ROBO1: variants seen among roughly 807,000 people sequenced by gnomAD.
The protein encoded by ROBO1 is roundabout guidance receptor 1, also known as roundabout homolog 1.
Under a neutral mutation model 195.9 loss-of-function variants are expected in ROBO1, and 149 were observed. That is an observed-to-expected ratio of 0.76 (90% confidence interval 0.67 to 0.87). The LOEUF is 0.87. Among genes scored for constraint, ROBO1 ranks in the 40% least tolerant of loss-of-function variants. The pLI is 0.00. For synonymous variants in ROBO1, 816 were observed against 733.2 expected (o/e 1.11, Z -1.82); for missense variants, 1,933 against 2,068.3 (o/e 0.93, Z 1.27).
chr3:78,974,541 T>C (rs559608527), intron 3 of ROBO1, among the ~76,000 whole-genome samples: 1 of 152,274 alleles, frequency 6.6e-6, no homozygotes, highest in East Asian at 1.9e-4. Flanking sequence ...GGCATGAATT[T>C]GTACTCTGAT....
intron 3 of ROBO1, among the ~76,000 whole-genome samples, chr3:78,977,195 C>G (rs181937627): frequency 1.8e-3 from 279 of 152,192 alleles, no homozygotes; most frequent in Non-Finnish European, 2.5e-3. Context: ...TCATCCACAA[C>G]CTCATCTCAG....
chr3:79,325,999 CT>C (rs1265143083), intron 2 of ROBO1, among the ~76,000 whole-genome samples: 2 of 152,108 alleles, frequency 1.3e-5, no homozygotes, highest in Non-Finnish European at 2.9e-5. Context: ...GATGGCCCCC[CT>C]GGGTGTGGCC....
intron 1 of ROBO1, among the ~76,000 whole-genome samples, chr3:79,764,934 G>A (rs1233752304): frequency 6.6e-6 from 1 of 152,140 alleles, no homozygotes; most frequent in Non-Finnish European, 1.5e-5. Context: ...GGCAGCTGTT[G>A]AGTCTCTCCC....
chr3:79,263,215 CT>C (rs1359624537), intron 2 of ROBO1, among the ~76,000 whole-genome samples: 17 of 152,010 alleles, frequency 1.1e-4, no homozygotes, highest in African/African-American at 4.1e-4. Context: ...TGAATAACAC[CT>C]TCAATTTCTT....
intron 2 of ROBO1, among the ~76,000 whole-genome samples, chr3:79,513,487 T>C (rs371504459): frequency 6.6e-6 from 1 of 152,046 alleles, no homozygotes; most frequent in East Asian, 1.9e-4. Flanking sequence ...AAAAAGTAAT[T>C]AAATTATTCT....
chr3:78,614,505 T>G (rs1460794371), intron 28 of ROBO1, 143 bp downstream of exon 28: 1 of 828,638 alleles, frequency 1.2e-6, no homozygotes, highest in Non-Finnish European at 1.8e-6. Context: ...TGTAAGTAGG[T>G]CGCTTCTATA....
chr3:79,669,029 A>C (rs921232055), intron 1 of ROBO1, among the ~76,000 whole-genome samples: 1 of 151,890 alleles, frequency 6.6e-6, no homozygotes, highest in Non-Finnish European at 1.5e-5. Context: ...TATCATATCC[A>C]TCTTAATGTC....
intron 2 of ROBO1, among the ~76,000 whole-genome samples, chr3:79,522,941 C>T (rs1347823391): frequency 1.3e-5 from 2 of 152,062 alleles, no homozygotes; most frequent in Non-Finnish European, 2.9e-5. Flanking sequence ...TTTTTGAGGA[C>T]TATTTCTCTT....
intron 1 of ROBO1, among the ~76,000 whole-genome samples, chr3:79,718,765 CAT>C (rs1184694037): frequency 2.0e-5 from 3 of 151,916 alleles, no homozygotes; most frequent in Non-Finnish European, 4.4e-5. Flanking sequence ...ATAAAAAGAA[CAT>C]GTGGCATTTC....
intron 4 of ROBO1, among the ~76,000 whole-genome samples, chr3:78,931,017 TC>T (rs976052011): frequency 6.6e-5 from 10 of 152,134 alleles, no homozygotes; most frequent in Middle Eastern, 3.4e-3. Flanking sequence ...TTATTTTCTT[TC>T]CCCCCTGCTC....
intron 2 of ROBO1, among the ~76,000 whole-genome samples, chr3:79,408,428 G>T (rs1482238597): frequency 6.6e-6 from 1 of 151,684 alleles, no homozygotes; most frequent in African/African-American, 2.4e-5. Flanking sequence ...ACTAGAGTTG[G>T]GGAAAGAAAC....
chr3:79,378,458 CTTTG>C (rs1290432753), intron 2 of ROBO1, among the ~76,000 whole-genome samples: 1 of 152,118 alleles, frequency 6.6e-6, no homozygotes, highest in Non-Finnish European at 1.5e-5. Context: ...AGGTGTTGTT[CTTTG>C]TTTATCTTAT....
chr3:79,429,674 G>C (rs1390535465), intron 2 of ROBO1, among the ~76,000 whole-genome samples: 1 of 152,130 alleles, frequency 6.6e-6, no homozygotes, highest in African/African-American at 2.4e-5. Context: ...TTTGAAGCCA[G>C]ATAATTTTGT....
At chr3:79,710,127 G>A (rs576309144) in intron 1 of ROBO1, among the ~76,000 whole-genome samples, 3 of 152,214 alleles carry the variant, frequency 2.0e-5, no homozygotes, top group South Asian at 4.1e-4. Flanking sequence ...TAAGGGAGAC[G>A]AGAGATATTA....
intron 1 of ROBO1, among the ~76,000 whole-genome samples, chr3:79,611,920 AAAAT>A (rs1449642702): frequency 1.3e-5 from 2 of 152,114 alleles, no homozygotes; most frequent in African/African-American, 2.4e-5. Flanking sequence ...AGTCCAAAAG[AAAAT>A]AAATAAAAAA....
intron 14 of ROBO1, 78 bp downstream of exon 14, chr3:78,667,805 A>G: frequency 2.1e-6 from 3 of 1,406,104 alleles, no homozygotes; most frequent in South Asian, 1.3e-5. Flanking sequence ...TCTAGCATGT[A>G]GCACAAGTGA....
chr3:79,177,956 G>A (rs1222591007), intron 2 of ROBO1, among the ~76,000 whole-genome samples: 1 of 152,118 alleles, frequency 6.6e-6, no homozygotes, highest in Admixed American at 6.5e-5. Flanking sequence ...TTGTCTTACT[G>A]TGTACAAGAT....
chr3:78,614,607 G>A, intron 28 of ROBO1, 41 bp downstream of exon 28: 3 of 1,605,418 alleles, frequency 1.9e-6, no homozygotes, highest in Non-Finnish European at 8.5e-7. Context: ...GGGTAAATAG[G>A]CGAGATTCAT....
At chr3:78,778,792 C>T (rs1050970074) in intron 4 of ROBO1, among the ~76,000 whole-genome samples, 1 of 152,066 alleles carries the variant, frequency 6.6e-6, no homozygotes, top group Admixed American at 6.6e-5. Flanking sequence ...AAAAAAGAGC[C>T]CACATAGCCA....
Sources: allele counts gnomAD v4.1 joint callset (sites outside exome capture counted in the v4.1 genomes callset), GRCh38; gene constraint gnomAD v4.1.1; transcripts MANE v1.5; gene names NCBI Gene and HGNC (gene_info 2026-07-23, HGNC 2026-07-21).